Variants in ABCC11 observed in about 807,000 individuals in gnomAD.
ABCC11 encodes ATP binding cassette subfamily C member 11, also known as ATP-binding cassette sub-family C member 11.
A neutral mutation model predicts 149.3 loss-of-function variants in ABCC11; 135 were observed. The ratio of observed to expected loss-of-function variants is 0.90; its 90% CI spans 0.79 to 1.04. The LOEUF is 1.04. Ranked by LOEUF, ABCC11 falls within the 50% of genes least tolerant of loss-of-function variation. ABCC11 has a pLI of 0.00. For synonymous variants in ABCC11, 665 were observed against 671.4 expected (o/e 0.99, Z 0.15); for missense variants, 1,680 against 1,722.1 (o/e 0.98, Z 0.43).
chr16:48,236,655 C>T (rs181322692), intron 1 of ABCC11, among the ~76,000 whole-genome samples: 14 of 152,296 alleles, frequency 9.2e-5, no homozygotes, highest in Admixed American at 7.8e-4. Context: ...GAAAGCCACA[C>T]AGTCACGAAA....
At chr16:48,181,702 C>A (rs1368019740) in intron 23 of ABCC11, among the ~76,000 whole-genome samples, 1 of 152,046 alleles carries the variant, frequency 6.6e-6, no homozygotes, top group African/African-American at 2.4e-5. Context: ...GTTCTGCCTC[C>A]CAAGTTCACG....
chr16:48,170,971 C>T lies in ABCC11; in HGVS notation c.3699-4G>A, dbSNP rs1175919880. On this transcript the variant is annotated splice_polypyrimidine_tract_variant and splice_region_variant and intron_variant, in intron 26 of 29. Coordinates refer to ENST00000356608, the MANE Select transcript of ABCC11 (RefSeq NM_001370497.1). ...GTCAAAGGGATCTAGGTTGAATCTA[C>T]CATATGAGAGAAAGAGAAGTGTTCA... The T allele has an allele frequency of 1.2e-6, 2 of 1,607,930 alleles. No individual in the cohort carries two copies. Among genetic ancestry groups the T allele is most frequent in the Non-Finnish European group, 8.5e-7 (1 of 1,174,434 alleles).
intron 5 of ABCC11, chr16:48,223,527 T>G (rs1339811158): frequency 6.5e-6 from 1 of 153,210 alleles, no homozygotes; most frequent in Non-Finnish European, 1.5e-5. Context: ...ATCTCTGTTC[T>G]GTCATCGACT....
chr16:48,216,597 G>A (rs1745751162), intron 6 of ABCC11, among the ~76,000 whole-genome samples: 1 of 152,150 alleles, frequency 6.6e-6, no homozygotes, highest in Non-Finnish European at 1.5e-5. Context: ...CAATAAAAGG[G>A]ATATTTTACT....
At chr16:48,175,110 G>T in intron 26 of ABCC11, 148 bp downstream of exon 26, 1 of 988,102 alleles carries the variant, frequency 1.0e-6, no homozygotes, top group Non-Finnish European at 1.5e-6. Flanking sequence ...ACTTCAGTGA[G>T]GTAAGCCAGG....
chr16:48,213,077 C>A (rs780620872), intron 10 of ABCC11, among the ~76,000 whole-genome samples: 1 of 152,154 alleles, frequency 6.6e-6, no homozygotes, highest in African/African-American at 2.4e-5. Context: ...CAAGAGAATT[C>A]AAAAATCTGG....
chr16:48,178,464 G>T, intron 24 of ABCC11, 133 bp downstream of exon 24: 1 of 767,182 alleles, frequency 1.3e-6, no homozygotes, highest in East Asian at 2.6e-5. Flanking sequence ...GGGAAGACAG[G>T]GAGGAAAGGC....
At chr16:48,208,299 T>A in intron 12 of ABCC11, 126 bp downstream of exon 12, 1 of 1,020,298 alleles carries the variant, frequency 9.8e-7, no homozygotes, top group Non-Finnish European at 1.4e-6. Context: ...TTTTGATTTA[T>A]AAAAATCCCA....
At chr16:48,193,105 G>A (rs1967071107) in intron 19 of ABCC11, among the ~76,000 whole-genome samples, 1 of 152,220 alleles carries the variant, frequency 6.6e-6, no homozygotes, top group Non-Finnish European at 1.5e-5. Flanking sequence ...TGGCAACTGT[G>A]GGCAGGAGCA....
intron 4 of ABCC11, among the ~76,000 whole-genome samples, chr16:48,226,865 TTTATGGGGAGGCTC>T (rs1304103841): frequency 1.3e-5 from 2 of 152,138 alleles, no homozygotes; most frequent in African/African-American, 4.8e-5. Context: ...CTGAATGCTC[TTTATGGGGAGGCTC>T]TTATGAGACT....
Position 48,177,100 on chromosome 16 carries a change from T to C in ABCC11, c.3362A>G (p.Glu1121Gly). ...ILQYMKMCVSEAPLHMEGTSC... is the reference protein window; with the variant it reads ...ILQYMKMCVSGAPLHMEGTSC... ...TGTGCCTTCCATGTGTAAAGGAGCT[T>C]CCGAGACACACATCTTGTTTTTGAA... The change falls in exon 25 of 30, where the codon GAA (glutamate) becomes GGA (glycine). Residue 1121 changes from glutamate to glycine, a missense_variant. By Grantham distance (98) the Glu-to-Gly change is moderately conservative. Coordinates refer to ENST00000356608, the MANE Select transcript of ABCC11 (RefSeq NM_001370497.1). 6.2e-7 allele frequency: 1 copy of C among 1,612,860 alleles called. No homozygotes were observed. The highest frequency in any genetic ancestry group is 8.5e-7 in the Non-Finnish European group (1 of 1,179,544).
intron 13 of ABCC11, 97 bp downstream of exon 13, chr16:48,205,316 C>G: frequency 6.6e-7 from 1 of 1,517,932 alleles, no homozygotes; most frequent in Non-Finnish European, 9.0e-7. Context: ...GTGGAGCACA[C>G]AAGTGTTAGC....
downstream of ABCC11, chr16:48,164,991 G>T (rs1044344353): frequency 1.3e-5 from 2 of 152,022 alleles, no homozygotes; most frequent in African/African-American, 4.8e-5. Flanking sequence ...ATTATCTCCG[G>T]GGATCCGGCC....
rs781245607 is a variant in ABCC11 at position 48,198,053 on chromosome 16, G to A, written c.2232C>T (p.Asp744=). The A allele has an allele frequency of 3.7e-5, 60 of 1,614,076 alleles. No individual in the cohort carries two copies. Among genetic ancestry groups the A allele is most frequent in the Non-Finnish European group, 4.9e-5 (58 of 1,180,050 alleles). ...HKEATSDMLQ[D]TAKIAEKPKV... is the part of the protein sequence containing the mutation. Reference sequence around the variant, plus strand: ...TTGGCTTCTCTGCTATCTTTGCTGTGTCCTGCAACATGTCCTGGGGAGAGA... The same window carrying A: ...TTGGCTTCTCTGCTATCTTTGCTGTATCCTGCAACATGTCCTGGGGAGAGA... The change falls in exon 17 of 30, where the codon GAC becomes GAT. Residue 744 remains aspartate (D), a synonymous_variant. Coordinates refer to ENST00000356608, the MANE Select transcript of ABCC11 (RefSeq NM_001370497.1).
chr16:48,171,260 A>G (rs914430577), intron 26 of ABCC11, among the ~76,000 whole-genome samples: 1 of 152,210 alleles, frequency 6.6e-6, no homozygotes, highest in African/African-American at 2.4e-5. Context: ...GGATAAGCCA[A>G]TCGACATACA....
intron 20 of ABCC11, among the ~76,000 whole-genome samples, chr16:48,188,010 G>A (rs1050670955): frequency 2.0e-5 from 3 of 152,122 alleles, no homozygotes; most frequent in East Asian, 1.9e-4. Context: ...AGGAGTTACC[G>A]CCTCTTTCTG....
At chr16:48,177,157 T>C (rs1966132848) in intron 24 of ABCC11, 44 bp from the exon 25 acceptor site, 6 of 1,571,004 alleles carry the variant, frequency 3.8e-6, no homozygotes, top group African/African-American at 1.3e-5. Context: ...TTATCATCTA[T>C]CTCGGCCCAT....
intron 13 of ABCC11, among the ~76,000 whole-genome samples, chr16:48,204,626 A>T (rs144821089): frequency 6.6e-6 from 1 of 152,240 alleles, no homozygotes; most frequent in African/African-American, 2.4e-5. Flanking sequence ...ATGAGTTGGT[A>T]TTGGACATAA....
chr16:48,220,988 T>C (rs905381175), intron 6 of ABCC11, among the ~76,000 whole-genome samples: 2 of 152,084 alleles, frequency 1.3e-5, no homozygotes, highest in Admixed American at 1.3e-4. Context: ...GGTTTGGAGA[T>C]CCCGTCACGG....
Sources: allele counts gnomAD v4.1 joint callset (sites outside exome capture counted in the v4.1 genomes callset), GRCh38; gene constraint gnomAD v4.1.1; transcripts MANE v1.5; gene names NCBI Gene and HGNC (gene_info 2026-07-23, HGNC 2026-07-21).